ZFPM2: variants seen among roughly 807,000 people sequenced by gnomAD.
ZFPM2 encodes the protein zinc finger protein, FOG family member 2.
A neutral mutation model predicts 98.6 loss-of-function variants in ZFPM2; 20 were observed. The observed-to-expected ratio is 0.20, with a 90% CI of 0.14 to 0.29. The LOEUF (loss-of-function observed/expected upper bound fraction) is 0.29. Among genes scored for constraint, ZFPM2 ranks in the 10% least tolerant of loss-of-function variants. ZFPM2 has a pLI of 1.00. For synonymous variants in ZFPM2, 518 were observed against 502.7 expected, an observed-to-expected ratio of 1.03 and a Z score of -0.41; for missense variants, 1,310 against 1,388.6, an observed-to-expected ratio of 0.94 and a Z score of 0.90.
chr8:105,710,663 T>TTG lies in ZFPM2; in HGVS notation c.532+76344_532+76345dup, dbSNP rs34170034. ...TTAACATTTCTAAAAATGCACAAAA[T>TTG]TGTGTGTGTGTGTGTGTGTGTGTGT... On this transcript the variant is annotated intron_variant, in intron 5 of 7. Coordinates refer to ENST00000407775, the MANE Select transcript of ZFPM2 (RefSeq NM_012082.4). Among the ~76,000 whole-genome samples, 494 of 143,900 alleles carry TTG rather than the reference T, an allele frequency of 3.4e-3. 3 individuals are homozygous for TTG. The highest frequency in any genetic ancestry group is 3.9e-3 in the South Asian group (17 of 4,402). The allele number at this position is 143,900 out of a possible 152,430, so 94.4% of individuals were successfully genotyped here.
At chr8:105,752,307 T>A (rs1812496247) in intron 5 of ZFPM2, among the ~76,000 whole-genome samples, 1 of 152,154 alleles carries the variant, frequency 6.6e-6, no homozygotes, top group African/African-American at 2.4e-5. Context: ...TTTCTAAATT[T>A]GTGATTCTTC....
chr8:105,586,848 T>TTATA (rs35303072), intron 4 of ZFPM2, among the ~76,000 whole-genome samples: 23,838 of 146,882 alleles, frequency 0.16, 2,197 homozygotes, highest in Middle Eastern at 0.29. Context: ...TATAAATATT[T>TTATA]TATATATATA....
chr8:105,384,311 G>A (rs189710143), intron 1 of ZFPM2, among the ~76,000 whole-genome samples: 82 of 152,112 alleles, frequency 5.4e-4, no homozygotes, highest in Non-Finnish European at 9.3e-4. Flanking sequence ...CCTCAACTTC[G>A]CCACTGAGAT....
chr8:105,647,180 T>C (rs974559074), intron 5 of ZFPM2, among the ~76,000 whole-genome samples: 2 of 152,204 alleles, frequency 1.3e-5, no homozygotes, highest in African/African-American at 4.8e-5. Flanking sequence ...GGCTGTGCTG[T>C]GTCATTTCAT....
At position 105,476,591 on chromosome 8, in the gene ZFPM2, G is replaced by A. The variant is rs149746885; in HGVS notation, c.301+32210G>A. Among the ~76,000 whole-genome samples the A allele has an allele frequency of 1.3e-3, 196 of 152,156 alleles. 1 individual carries two copies. The highest frequency in any genetic ancestry group is 2.6e-3 in the Admixed American group (39 of 15,268). ...TTCATCCTTGAGGTTAGTGTCATAC[G>A]CAATTTTCAATCTTCTCTTAATTGA... On this transcript the variant is annotated intron_variant, in intron 3 of 7. Transcript: ENST00000407775.
intron 5 of ZFPM2, among the ~76,000 whole-genome samples, chr8:105,697,110 A>G (rs190332959): frequency 6.6e-6 from 1 of 152,328 alleles, no homozygotes; most frequent in East Asian, 1.9e-4. Flanking sequence ...ATCCGAGTCT[A>G]TGAGATAGAA....
intron 5 of ZFPM2, among the ~76,000 whole-genome samples, chr8:105,660,769 T>C (rs779021314): frequency 6.6e-6 from 1 of 152,202 alleles, no homozygotes; most frequent in African/African-American, 2.4e-5. Flanking sequence ...GGTTATTGTG[T>C]TTCTCCTTAA....
chr8:105,650,935 G>T (rs372953229), intron 5 of ZFPM2, among the ~76,000 whole-genome samples: 1 of 152,128 alleles, frequency 6.6e-6, no homozygotes, highest in Non-Finnish European at 1.5e-5. Context: ...TCTTATGCAA[G>T]CTTCTGCAAA....
chr8:105,444,197 A>G lies in ZFPM2; in HGVS notation c.200-83A>G, dbSNP rs948246239. 1.3e-5 allele frequency: 13 copies of G among 1,034,490 alleles called. No homozygotes were observed. In the African/African-American group the frequency reaches 2.1e-4, roughly 16 times the overall value. 64.1% of individuals were successfully genotyped at this position (1,034,490 alleles called of 1,614,324 possible). A position where few individuals can be genotyped will look rare whatever the true frequency, so the allele number is the denominator to read the frequency against. ...ACAAACCTGTAATTAGATATATGATAAGGACATCCCTTTATGAGGGTGTGA... is the reference window on the plus strand; with the variant it reads ...ACAAACCTGTAATTAGATATATGATGAGGACATCCCTTTATGAGGGTGTGA... On this transcript the variant is annotated intron_variant, in intron 2 of 7. Transcript: ENST00000407775.
intron 1 of ZFPM2, among the ~76,000 whole-genome samples, chr8:105,352,344 A>G (rs1208202656): frequency 6.6e-6 from 1 of 152,232 alleles, no homozygotes; most frequent in East Asian, 1.9e-4. Flanking sequence ...CTGCTTATTT[A>G]ATACACAATA....
At chr8:105,645,819 C>A (rs7000838) in intron 5 of ZFPM2, among the ~76,000 whole-genome samples, 129 of 151,920 alleles carry the variant, frequency 8.5e-4, no homozygotes, top group African/African-American at 2.9e-3. Flanking sequence ...TTTGGGAGGC[C>A]AAGGCAGACG....
In ZFPM2 at chr8:105,796,622, A is replaced by G. The variant is rs1042231083; in HGVS notation, c.740-2102A>G. 6 of 152,192 alleles carry G rather than the reference A, an allele frequency of 3.9e-5. 2 individuals are homozygous for G. 9.4% of individuals were successfully genotyped at this position (152,192 alleles called of 1,614,324 possible). A position where few individuals can be genotyped will look rare whatever the true frequency, so the allele number is the denominator to read the frequency against. On this transcript the variant is annotated intron_variant, in intron 6 of 7. Transcript: ENST00000407775. ...TTAGTTTTTCTCCTTATCGCCTTTAATGTTGTCTCCCTGAGCCATCTCCTT... is the reference window on the plus strand; with the variant it reads ...TTAGTTTTTCTCCTTATCGCCTTTAGTGTTGTCTCCCTGAGCCATCTCCTT...
At chr8:105,599,378 T>C (rs1816042711) in intron 4 of ZFPM2, among the ~76,000 whole-genome samples, 1 of 144,634 alleles carries the variant, frequency 6.9e-6, no homozygotes, top group African/African-American at 2.5e-5. Context: ...TTTTTTCTTT[T>C]TCTTTTCGTC....
chr8:105,794,423 C>T (rs866465729), intron 6 of ZFPM2, among the ~76,000 whole-genome samples: 12 of 152,162 alleles, frequency 7.9e-5, no homozygotes, highest in Non-Finnish European at 7.3e-5. Flanking sequence ...GCTGCTGTCT[C>T]ATCGTTCCTC....
intron 5 of ZFPM2, among the ~76,000 whole-genome samples, chr8:105,730,512 A>G (rs1811903970): frequency 6.6e-6 from 1 of 151,606 alleles, no homozygotes; most frequent in Admixed American, 6.6e-5. Context: ...GTTTACTCTG[A>G]GCTCTTTGCT....
chr8:105,556,580 C>T (rs57125833), intron 3 of ZFPM2, among the ~76,000 whole-genome samples: 131 of 152,176 alleles, frequency 8.6e-4, no homozygotes, highest in African/African-American at 3.0e-3. Context: ...CCCATTCCAG[C>T]GTGTATCCCG....
intron 5 of ZFPM2, among the ~76,000 whole-genome samples, chr8:105,673,378 T>C (rs1446354735): frequency 6.6e-6 from 1 of 151,996 alleles, no homozygotes; most frequent in South Asian, 2.1e-4. Flanking sequence ...TTCAAAATGA[T>C]AGTCAGCAAC....
At chr8:105,794,813 C>G (rs536041420) in intron 6 of ZFPM2, among the ~76,000 whole-genome samples, 1 of 152,168 alleles carries the variant, frequency 6.6e-6, no homozygotes, top group Non-Finnish European at 1.5e-5. Flanking sequence ...GCCTCGCTGC[C>G]GCCTTGCAGT....
At chr8:105,571,911 C>T (rs2130722245) in intron 4 of ZFPM2, among the ~76,000 whole-genome samples, 1 of 152,110 alleles carries the variant, frequency 6.6e-6, no homozygotes, top group South Asian at 2.1e-4. Flanking sequence ...CATTGACAAC[C>T]TTTATTATCA....
Sources: allele counts gnomAD v4.1 joint callset (sites outside exome capture counted in the v4.1 genomes callset), GRCh38; gene constraint gnomAD v4.1.1; transcripts MANE v1.5; gene names NCBI Gene and HGNC (gene_info 2026-07-23, HGNC 2026-07-21).